Variants in OTUD7A observed in about 807,000 individuals in gnomAD.
The protein encoded by OTUD7A is OTU deubiquitinase 7A.
A neutral mutation model predicts 65.7 loss-of-function variants in OTUD7A; 12 were observed. The ratio of observed to expected loss-of-function variants is 0.18; its 90% CI spans 0.12 to 0.30. OTUD7A has a LOEUF of 0.30. Ranked by LOEUF, OTUD7A falls within the 10% of genes least tolerant of loss-of-function variation. OTUD7A has a pLI of 1.00. For synonymous variants in OTUD7A, 641 were observed against 586.3 expected (o/e 1.09, Z -1.35); for missense variants, 1,148 against 1,304.8 (o/e 0.88, Z 1.85).
chr15:31,537,512 A>G (rs1034389783), intron 5 of OTUD7A, among the ~76,000 whole-genome samples: 1 of 152,188 alleles, frequency 6.6e-6, no homozygotes, highest in Non-Finnish European at 1.5e-5. Flanking sequence ...AACTGACACT[A>G]CCACTGGATG....
At chr15:31,724,699 C>G (rs2092132357) in intron 1 of OTUD7A, among the ~76,000 whole-genome samples, 1 of 152,144 alleles carries the variant, frequency 6.6e-6, no homozygotes, top group Non-Finnish European at 1.5e-5. Context: ...AATACAAGGG[C>G]AGGAGTGCTG....
In OTUD7A at chr15:31,816,611, G is replaced by A. The variant is rs554906532; in HGVS notation, c.-100+53896C>T. Among the ~76,000 whole-genome samples, 10 of 152,058 alleles carry A rather than the reference G, an allele frequency of 6.6e-5. No individual in the cohort carries two copies. The East Asian group carries it at 1.2e-3, about 18-fold the overall frequency. On this transcript the variant is annotated intron_variant, in intron 1 of 12. Coordinates refer to ENST00000307050, the MANE Select transcript of OTUD7A (RefSeq NM_001382637.1). ...CAGGAGGCTGAGGCAGGAGAATGGC[G>A]TGAACCTGGGAGGCAGAGCTTGCAG...
At chr15:31,770,572 A>T (rs1895207749) in intron 1 of OTUD7A, among the ~76,000 whole-genome samples, 1 of 152,226 alleles carries the variant, frequency 6.6e-6, no homozygotes, top group South Asian at 2.1e-4. Context: ...TATTCTATGA[A>T]GTTAGCTTTA....
chr15:31,580,013 A>C (rs957774564), intron 3 of OTUD7A, among the ~76,000 whole-genome samples: 7 of 152,216 alleles, frequency 4.6e-5, no homozygotes, highest in African/African-American at 1.7e-4. Flanking sequence ...GGAAAGAACC[A>C]CTATAATTTG....
Position 31,484,838 on chromosome 15 carries a change from C to T in OTUD7A, c.1372-114G>A. 3.4e-6 allele frequency: 5 copies of T among 1,469,208 alleles called. No individual in the cohort carries two copies. In the South Asian group the frequency reaches 6.9e-5, roughly 20 times the overall value. 91.0% of individuals were successfully genotyped at this position (1,469,208 alleles called of 1,614,324 possible). On this transcript the variant is annotated intron_variant, in intron 12 of 12. Coordinates refer to ENST00000307050, the MANE Select transcript of OTUD7A (RefSeq NM_001382637.1). This position sits in a 1 kb window ranked among gnomAD's most constrained non-coding sequence, Gnocchi z 4.5. The stretch of plus-strand genomic sequence containing the variant: ...CCGAGGCTAGGGCCCTGGACCTTCA[C>T]TGTCCCAGTCCCCACTGTCGCTCTG...
chr15:31,736,029 A>G (rs1391973527), intron 1 of OTUD7A, among the ~76,000 whole-genome samples: 1 of 152,180 alleles, frequency 6.6e-6, no homozygotes, highest in Non-Finnish European at 1.5e-5. Flanking sequence ...ATGGACACAT[A>G]GAGGGGAACA....
rs1384737219 is a variant in OTUD7A at position 31,483,894 on chromosome 15, G to A, written c.2202C>T (p.Pro734=). The change falls in exon 13 of 13, where the codon CCC becomes CCT. Residue 734 remains proline, a synonymous_variant. Coordinates refer to ENST00000307050, the MANE Select transcript of OTUD7A (RefSeq NM_001382637.1). ...LVLKLKERPS[P]GPAAGRAARA... Reference sequence around the variant, plus strand: ...GCGCCGCACGCCCTGCCGCGGGCCCGGGGCTCGGCCGCTCCTTGAGCTTGA... The same window carrying A: ...GCGCCGCACGCCCTGCCGCGGGCCCAGGGCTCGGCCGCTCCTTGAGCTTGA... 1.0e-6 allele frequency: 1 copy of A among 1,004,068 alleles called. No homozygotes were observed. Among genetic ancestry groups the A allele is most frequent in the Non-Finnish European group, 1.2e-6 (1 of 843,722 alleles). The allele number at this position is 1,004,068 out of a possible 1,614,324, so 62.2% of individuals were successfully genotyped here. A position where few individuals can be genotyped will look rare whatever the true frequency, so the allele number is the denominator to read the frequency against.
chr15:31,628,978 TAAG>T (rs1891053271), intron 3 of OTUD7A, among the ~76,000 whole-genome samples: 1 of 152,220 alleles, frequency 6.6e-6, no homozygotes, highest in African/African-American at 2.4e-5. Context: ...CTTATCAGCT[TAAG>T]GAGATTTTGG....
In OTUD7A at chr15:31,484,037, C is replaced by T. The variant is rs759790290; in HGVS notation, c.2059G>A (p.Ala687Thr). ...GCGGCGGCGGCGGCGGCAGCGGCGG[C>T]CGCAGTAGCGGCGTCGCGGCGCCGC... ...EQRRRDAATA[A>T]AAAAAAAAAT... is the part of the protein sequence containing the mutation. The change falls in exon 13 of 13, where the codon GCC becomes ACC. Residue 687 changes from alanine to threonine, a missense_variant. Ala to Thr is a moderately conservative substitution (Grantham distance 58). Around this residue, in one of 6 missense-constraint regions of OTUD7A, gnomAD observed 842 missense variants for 769.5 expected, o/e 1.09. Coordinates refer to ENST00000307050, the MANE Select transcript of OTUD7A (RefSeq NM_001382637.1). The surrounding 1 kb of genome is among the most constrained non-coding windows in gnomAD (Gnocchi z 4.5). 31 of 1,267,392 alleles carry T rather than the reference C, an allele frequency of 2.4e-5. 1 individual carries two copies. The South Asian group carries it at 8.7e-4, about 36-fold the overall frequency. The allele number at this position is 1,267,392 out of a possible 1,614,324, so 78.5% of individuals were successfully genotyped here.
chr15:31,641,336 A>C (rs918090556), intron 3 of OTUD7A, among the ~76,000 whole-genome samples: 10 of 152,184 alleles, frequency 6.6e-5, no homozygotes, highest in Non-Finnish European at 1.3e-4. Flanking sequence ...TAAATTACCC[A>C]GTCTTGGGTA....
chr15:31,867,444 C>T (rs1160355917), intron 1 of OTUD7A, among the ~76,000 whole-genome samples: 1 of 152,170 alleles, frequency 6.6e-6, no homozygotes, highest in African/African-American at 2.4e-5. Flanking sequence ...CTCCACCAGG[C>T]TTGGGGGCCA....
At chr15:31,599,574 G>A (rs922742468) in intron 3 of OTUD7A, among the ~76,000 whole-genome samples, 8 of 152,158 alleles carry the variant, frequency 5.3e-5, no homozygotes, top group African/African-American at 1.7e-4. Flanking sequence ...AAACCAGAAC[G>A]CCTCTTCTCC....
intron 1 of OTUD7A, among the ~76,000 whole-genome samples, chr15:31,869,943 T>C (rs779639293): frequency 2.0e-5 from 3 of 152,086 alleles, no homozygotes; most frequent in Non-Finnish European, 4.4e-5. Flanking sequence ...ATTGCCTTAA[T>C]GGTTTGCCTG....
At chr15:31,543,940 A>G (rs1236819037) in intron 5 of OTUD7A, among the ~76,000 whole-genome samples, 1 of 151,878 alleles carries the variant, frequency 6.6e-6, no homozygotes, top group Non-Finnish European at 1.5e-5. Context: ...ACTAAACATT[A>G]TTTTCAAGCA....
chr15:31,766,896 C>T (rs867734206), intron 1 of OTUD7A: 2 of 1,609,990 alleles, frequency 1.2e-6, no homozygotes, highest in South Asian at 2.2e-5. Context: ...AATTCCCTGA[C>T]ACATCTACAA....
Position 31,767,512 on chromosome 15 carries a change from G to A in OTUD7A, c.-100+102995C>T. The A allele has an allele frequency of 5.2e-6, 4 of 771,758 alleles. No individual in the cohort carries two copies. The South Asian group carries it at 5.4e-5, about 10-fold the overall frequency. The allele number at this position is 771,758 out of a possible 1,614,324, so 47.8% of individuals were successfully genotyped here. On this transcript the variant is annotated intron_variant, in intron 1 of 12. Coordinates refer to ENST00000307050, the MANE Select transcript of OTUD7A (RefSeq NM_001382637.1). ...GGGAGGTCATCTGATTTGTTTTGTA[G>A]TATAACTACTCCATGTTTACTTGTA...
At chr15:31,843,343 A>C (rs1897229802) in intron 1 of OTUD7A, among the ~76,000 whole-genome samples, 1 of 151,970 alleles carries the variant, frequency 6.6e-6, no homozygotes, top group Admixed American at 6.6e-5. Flanking sequence ...AAAAAAAAAA[A>C]AAAAAACCCC....
At chr15:31,817,953 T>C (rs947924558) in intron 1 of OTUD7A, among the ~76,000 whole-genome samples, 1 of 152,132 alleles carries the variant, frequency 6.6e-6, no homozygotes, top group African/African-American at 2.4e-5. Context: ...CACTCCTGAG[T>C]GGGATTCATG....
At chr15:31,582,989 A>G (rs1232667955) in intron 3 of OTUD7A, among the ~76,000 whole-genome samples, 1 of 152,230 alleles carries the variant, frequency 6.6e-6, no homozygotes, top group South Asian at 2.1e-4. Flanking sequence ...TTGCATGTAC[A>G]TATGATTTGA....
Sources: allele counts gnomAD v4.1 joint callset (sites outside exome capture counted in the v4.1 genomes callset), GRCh38; gene constraint gnomAD v4.1.1; regional missense constraint gnomAD v4.1.1; non-coding constraint Gnocchi (gnomAD v3.1); transcripts MANE v1.5; gene names NCBI Gene and HGNC (gene_info 2026-07-23, HGNC 2026-07-21).